The following LIX1 variants were observed in gnomAD, a reference collection of about 807,000 sequenced individuals.
LIX1 encodes limb and CNS expressed 1.
In LIX1, 24 loss-of-function variants were observed where a neutral mutation model predicts 33.4. That is an observed-to-expected ratio of 0.72 (90% CI 0.52 to 1.01). LIX1 has a LOEUF of 1.01. LIX1 is among the 50% of genes least tolerant of loss of function. The probability of loss-of-function intolerance (pLI) is 0.00; values close to 1 mark genes in which losing one functional copy is unlikely to be tolerated. For missense variants in LIX1, 311 were observed against 339.2 expected, an observed-to-expected ratio of 0.92 and a Z score of 0.65; for synonymous variants, 124 against 124.0, an observed-to-expected ratio of 1.00 and a Z score of 0.00.
chr5:97,135,061 C>T (rs1174702839), intron 1 of LIX1, among the ~76,000 whole-genome samples: 1 of 152,126 alleles, frequency 6.6e-6, no homozygotes, highest in African/African-American at 2.4e-5. Flanking sequence ...CACTCCTTAC[C>T]CCAAACATAT....
Position 97,092,360 on chromosome 5 carries a change from A to G in LIX1, c.*2388T>C, listed in dbSNP as rs1040152730. The G allele has an allele frequency of 2.0e-5, 3 of 152,322 alleles. No homozygotes were observed. Among genetic ancestry groups the G allele is most frequent in the African/African-American group, 7.2e-5 (3 of 41,454 alleles). The allele number at this position is 152,322 out of a possible 1,614,324, so 9.4% of individuals were successfully genotyped here. On this transcript the variant is annotated 3_prime_UTR_variant, in exon 6 of 6. Transcript: ENST00000274382. ...GGAATCTTCCACTCTAGTCCCCTTT[A>G]TCACAGTGTGTTGTTCAGAACAAGA...
intron 2 of LIX1, among the ~76,000 whole-genome samples, chr5:97,116,277 C>T (rs946579436): frequency 6.6e-6 from 1 of 152,164 alleles, no homozygotes; most frequent in Non-Finnish European, 1.5e-5. Context: ...GATATATTAA[C>T]ATTTTTTCTC....
chr5:97,138,156 A>G (rs778459557), intron 1 of LIX1, among the ~76,000 whole-genome samples: 2 of 152,232 alleles, frequency 1.3e-5, no homozygotes, highest in Non-Finnish European at 2.9e-5. Flanking sequence ...ACGCTTAGTA[A>G]AGGATCCATC....
intron 2 of LIX1, among the ~76,000 whole-genome samples, chr5:97,118,642 C>A (rs1331211007): frequency 2.0e-5 from 3 of 151,970 alleles, no homozygotes; most frequent in Non-Finnish European, 4.4e-5. Flanking sequence ...AAAATTATTT[C>A]TTTTATAAAA....
intron 2 of LIX1, 47 bp downstream of exon 2, chr5:97,124,419 T>G: frequency 1.3e-6 from 2 of 1,528,946 alleles, no homozygotes; most frequent in Non-Finnish European, 1.8e-6. Flanking sequence ...GTTTACTTTA[T>G]TTTAGCCCAA....
intron 2 of LIX1, among the ~76,000 whole-genome samples, chr5:97,118,195 A>G (rs1448785643): frequency 6.6e-6 from 1 of 152,216 alleles, no homozygotes; most frequent in Non-Finnish European, 1.5e-5. Flanking sequence ...TAATTCATGC[A>G]CATAAATAAT....
Position 97,094,029 on chromosome 5 carries a change from T to A in LIX1, c.*719A>T, listed in dbSNP as rs1298034702. The stretch of plus-strand genomic sequence containing the variant: ...AATTGATTGCAAGACTCATAAACAT[T>A]GGATATTAATTCTTGAGGAATAAGA... On this transcript the variant is annotated 3_prime_UTR_variant, in exon 6 of 6. Transcript: ENST00000274382. 2.0e-5 allele frequency: 3 copies of A among 152,336 alleles called. No individual in the cohort carries two copies. The highest frequency in any genetic ancestry group is 2.9e-5 in the Non-Finnish European group (2 of 68,036). The allele number at this position is 152,336 out of a possible 1,614,324, so 9.4% of individuals were successfully genotyped here. A position where few individuals can be genotyped will look rare whatever the true frequency, so the allele number is the denominator to read the frequency against.
Position 97,135,343 on chromosome 5 carries a change from A to G in LIX1, c.82+7152T>C, listed in dbSNP as rs1258505244. 3.3e-5 allele frequency among the ~76,000 whole-genome samples: 5 copies of G among 152,352 alleles called. No homozygotes were observed. In the East Asian group the frequency reaches 9.6e-4, roughly 29 times the overall value. ...AAGACAAATTAAAAAGTTTTTAAGT[A>G]TACCATAGTTAAGCAGCATGCCTGA... On this transcript the variant is annotated intron_variant, in intron 1 of 5. Transcript: ENST00000274382.
chr5:97,121,797 T>C (rs1469702765), intron 2 of LIX1, among the ~76,000 whole-genome samples: 1 of 152,208 alleles, frequency 6.6e-6, no homozygotes, highest in Non-Finnish European at 1.5e-5. Context: ...TTGACATAGA[T>C]GGACAAACAA....
chr5:97,103,996 TA>T (rs1197217284), intron 4 of LIX1, among the ~76,000 whole-genome samples: 1 of 147,442 alleles, frequency 6.8e-6, no homozygotes, highest in African/African-American at 2.5e-5. Context: ...AAAGAAAAAC[TA>T]AGATTTAGGA....
Position 97,091,879 on chromosome 5 carries a change from G to A in LIX1, c.*2869C>T, listed in dbSNP as rs571414659. ...ATAGACAACCAAATTCTGAACATTA[G>A]AGGTACGACTTTATTAAATCTGTAC... On this transcript the variant is annotated 3_prime_UTR_variant, in exon 6 of 6. Coordinates refer to ENST00000274382, the MANE Select transcript of LIX1 (RefSeq NM_153234.5). The A allele has an allele frequency of 2.2e-4, 34 of 152,414 alleles. No homozygotes were observed. Among genetic ancestry groups the A allele is most frequent in the African/African-American group, 7.7e-4 (32 of 41,552 alleles). 9.4% of individuals were successfully genotyped at this position (152,414 alleles called of 1,614,324 possible).
intron 2 of LIX1, among the ~76,000 whole-genome samples, chr5:97,122,160 T>C (rs1171273885): frequency 1.3e-5 from 2 of 152,164 alleles, no homozygotes; most frequent in African/African-American, 4.8e-5. Context: ...CTGACTACTG[T>C]TCGGAGTGGG....
intron 5 of LIX1, among the ~76,000 whole-genome samples, chr5:97,095,529 C>A (rs1746331012): frequency 6.6e-6 from 1 of 152,082 alleles, no homozygotes; most frequent in African/African-American, 2.4e-5. Context: ...CATTTAGAAA[C>A]CAGGAGAATC....
chr5:97,106,803 T>C (rs963125797), intron 3 of LIX1, among the ~76,000 whole-genome samples: 10 of 152,244 alleles, frequency 6.6e-5, no homozygotes, highest in Non-Finnish European at 1.3e-4. Flanking sequence ...TTTTCAATGC[T>C]CTCTGAAGAG....
Position 97,124,543 on chromosome 5 carries a change from C to T in LIX1, c.169G>A (p.Glu57Lys), listed in dbSNP as rs1278418056. 1 of 1,612,814 alleles carries T rather than the reference C, an allele frequency of 6.2e-7. No homozygotes were observed. The highest frequency in any genetic ancestry group is 1.3e-5 in the African/African-American group (1 of 74,894). Residue 57 changes from glutamate to lysine, a missense_variant, in exon 2 of 6, where the codon GAG becomes AAG. By Grantham distance (56) the Glu-to-Lys change is moderately conservative. Coordinates refer to ENST00000274382, the MANE Select transcript of LIX1 (RefSeq NM_153234.5). ...AFPSEGVVVY[E>K]SLPAPGPPFV... ...GGAGGCCCAGGAGCTGGCAGTGACT[C>T]ATAGACCACCACACCTTCACTTGGG... is the stretch of plus-strand genomic sequence containing the variant.
rs376754986 is a variant in LIX1 at position 97,092,534 on chromosome 5, G to C, written c.*2214C>G. On this transcript the variant is annotated 3_prime_UTR_variant, in exon 6 of 6. Coordinates refer to ENST00000274382, the MANE Select transcript of LIX1 (RefSeq NM_153234.5). ...AATCAGCATTAAAGGGACCAGCAAA[G>C]ATTCTGACTTTTATTTATTTTGCTG... is the stretch of plus-strand genomic sequence containing the variant. 2.0e-5 allele frequency: 3 copies of C among 152,346 alleles called. No homozygotes were observed. The highest frequency in any genetic ancestry group is 4.8e-5 in the African/African-American group (2 of 41,456). The allele number at this position is 152,346 out of a possible 1,614,324, so 9.4% of individuals were successfully genotyped here.
chr5:97,113,206 C>A (rs1164633388), intron 2 of LIX1, among the ~76,000 whole-genome samples: 1 of 152,170 alleles, frequency 6.6e-6, no homozygotes, highest in Non-Finnish European at 1.5e-5. Flanking sequence ...GCTGATCCTC[C>A]AGCCCTGATC....
intron 4 of LIX1, 43 bp from the exon 5 acceptor site, chr5:97,096,930 G>A: frequency 7.1e-7 from 1 of 1,416,986 alleles, no homozygotes; most frequent in South Asian, 1.1e-5. Flanking sequence ...AAGCAGAAAT[G>A]TGCATTGGTG....
intron 1 of LIX1, among the ~76,000 whole-genome samples, chr5:97,141,449 A>G (rs1748284249): frequency 6.6e-6 from 1 of 152,246 alleles, no homozygotes; most frequent in South Asian, 2.1e-4. Context: ...CAGATTGGTT[A>G]CAATTTAACA....
Sources: gnomAD v4.1 joint callset for allele counts (sites outside exome capture counted in the v4.1 genomes callset) on GRCh38, gnomAD v4.1.1 for gene constraint, MANE v1.5 for transcripts, NCBI Gene and HGNC (gene_info 2026-07-23, HGNC 2026-07-21) for gene names.